EYS: variants seen among roughly 807,000 people sequenced by gnomAD.
EYS encodes EGF-like photoreceptor maintenance factor, also known as protein eyes shut homolog.
A neutral mutation model predicts 282.1 loss-of-function variants in EYS; 250 were observed. The observed-to-expected ratio is 0.89, with a 90% CI of 0.80 to 0.98. The LOEUF (loss-of-function observed/expected upper bound fraction) is 0.98, where lower values mean the gene tolerates loss of function less well. Ranked by LOEUF, EYS falls within the 50% of genes least tolerant of loss-of-function variation. The probability of loss-of-function intolerance (pLI) is 0.00; values close to 1 mark genes in which losing one functional copy is unlikely to be tolerated. For missense variants in EYS, 4,016 were observed against 3,709.0 expected, an observed-to-expected ratio of 1.08 and a Z score of -2.15; for synonymous variants, 1,355 against 1,282.9, an observed-to-expected ratio of 1.06 and a Z score of -1.20.
At chr6:64,750,662 G>A (rs1228689886) in intron 22 of EYS, among the ~76,000 whole-genome samples, 1 of 152,188 alleles carries the variant, frequency 6.6e-6, no homozygotes. Flanking sequence ...TTACATTTTA[G>A]GGTTCTTTTC....
At chr6:64,869,971 C>A (rs2150053391) in intron 19 of EYS, among the ~76,000 whole-genome samples, 1 of 151,414 alleles carries the variant, frequency 6.6e-6, no homozygotes, top group African/African-American at 2.4e-5. Flanking sequence ...GCTATTATTT[C>A]AACTGAAGTG....
chr6:64,110,760 A>G (rs1444823644), intron 31 of EYS, among the ~76,000 whole-genome samples: 2 of 151,972 alleles, frequency 1.3e-5, no homozygotes, highest in South Asian at 4.1e-4. Flanking sequence ...GTAAAAAGTG[A>G]GAGGATATAG....
At chr6:64,244,703 G>A (rs1295583734) in intron 30 of EYS, among the ~76,000 whole-genome samples, 1 of 152,078 alleles carries the variant, frequency 6.6e-6, no homozygotes, top group African/African-American at 2.4e-5. Flanking sequence ...CATGTTTTAA[G>A]ATATACTATC....
chr6:63,885,239 C>T (rs1161170284), intron 35 of EYS, among the ~76,000 whole-genome samples: 1 of 152,130 alleles, frequency 6.6e-6, no homozygotes, highest in African/African-American at 2.4e-5. Context: ...CAATTACTGG[C>T]CAAGTAGGCT....
At chr6:65,538,259 G>A (rs1768032989) in intron 2 of EYS, among the ~76,000 whole-genome samples, 2 of 152,030 alleles carry the variant, frequency 1.3e-5, no homozygotes. Context: ...AGTGGCTGAA[G>A]GAAATAATAA....
At chr6:64,379,006 T>C (rs1772657048) in intron 29 of EYS, among the ~76,000 whole-genome samples, 1 of 152,236 alleles carries the variant, frequency 6.6e-6, no homozygotes, top group Admixed American at 6.5e-5. Context: ...TAGTTACTGA[T>C]AAAGCAATGT....
chr6:64,188,233 T>C (rs1239071778), intron 31 of EYS, among the ~76,000 whole-genome samples: 2 of 152,108 alleles, frequency 1.3e-5, no homozygotes, highest in Non-Finnish European at 2.9e-5. Context: ...TGGTACTCAA[T>C]TTCTTTATAT....
intron 22 of EYS, among the ~76,000 whole-genome samples, chr6:64,678,565 G>A (rs749484492): frequency 2.6e-5 from 4 of 151,914 alleles, no homozygotes; most frequent in African/African-American, 7.3e-5. Flanking sequence ...GCAACAGAGC[G>A]AGACTCCGTC....
At chr6:65,020,062 G>A (rs1329851784) in intron 13 of EYS, among the ~76,000 whole-genome samples, 1 of 152,052 alleles carries the variant, frequency 6.6e-6, no homozygotes, top group Non-Finnish European at 1.5e-5. Flanking sequence ...GGGATTATGG[G>A]AACTACAATT....
At chr6:64,113,440 T>A (rs11970242) in intron 31 of EYS, among the ~76,000 whole-genome samples, 6,415 of 152,242 alleles carry the variant, frequency 0.042, 396 homozygotes, top group African/African-American at 0.14. Context: ...GTTGTGAGAA[T>A]TAAATAACTA....
intron 2 of EYS, among the ~76,000 whole-genome samples, chr6:65,521,772 G>C (rs1302802996): frequency 6.6e-6 from 1 of 152,110 alleles, no homozygotes; most frequent in Non-Finnish European, 1.5e-5. Flanking sequence ...GTAATTTTTT[G>C]ATTAATGCCA....
In EYS at chr6:65,344,110, T is replaced by C; in HGVS notation, c.1527A>G (p.Glu509=). The C allele has an allele frequency of 6.2e-7, 1 of 1,610,484 alleles. No individual in the cohort carries two copies. Among genetic ancestry groups the C allele is most frequent in the Non-Finnish European group, 8.5e-7 (1 of 1,177,544 alleles). ...AYFFLAANCT[E]DATYVNDPED... ...CAGGATCGTTCACATAGGTTGCATC[T>C]TCAGTGCAGTTTGCAGCCAGAAAGA... is the stretch of plus-strand genomic sequence containing the variant. Residue 509 remains glutamate (E), a synonymous_variant, in exon 10 of 43, where the codon GAA becomes GAG. Transcript: ENST00000503581.
At chr6:65,230,778 T>C (rs1430979702) in intron 12 of EYS, among the ~76,000 whole-genome samples, 1 of 151,618 alleles carries the variant, frequency 6.6e-6, no homozygotes, top group Non-Finnish European at 1.5e-5. Flanking sequence ...CTCTTTTATA[T>C]GAGTAGAAAT....
At chr6:64,797,105 C>T (rs1328546557) in intron 22 of EYS, among the ~76,000 whole-genome samples, 1 of 152,068 alleles carries the variant, frequency 6.6e-6, no homozygotes, top group Non-Finnish European at 1.5e-5. Flanking sequence ...TCGGGTTAAT[C>T]AATATCAGCC....
chr6:65,112,449 T>C (rs1423621624), intron 12 of EYS, among the ~76,000 whole-genome samples: 3 of 152,258 alleles, frequency 2.0e-5, no homozygotes, highest in South Asian at 4.2e-4. Flanking sequence ...TTAAAAACTA[T>C]GAGAATGTTA....
intron 36 of EYS, among the ~76,000 whole-genome samples, chr6:63,830,414 A>G (rs933533860): frequency 2.0e-5 from 3 of 152,232 alleles, no homozygotes; most frequent in Non-Finnish European, 2.9e-5. Context: ...CGAGAACTAC[A>G]TGATGCATGC....
At chr6:64,768,810 G>A (rs945282883) in intron 22 of EYS, among the ~76,000 whole-genome samples, 6 of 152,072 alleles carry the variant, frequency 3.9e-5, no homozygotes. Context: ...CACAAAAAGG[G>A]CAGGCTGTTT....
intron 30 of EYS, among the ~76,000 whole-genome samples, chr6:64,294,894 A>G (rs1186212399): frequency 2.0e-5 from 3 of 152,208 alleles, no homozygotes; most frequent in Non-Finnish European, 4.4e-5. Flanking sequence ...AAAGGGGGGT[A>G]TGCATAATGT....
At chr6:63,788,298 G>A (rs1158450663) in intron 38 of EYS, 49 bp from the exon 39 acceptor site, 1 of 1,400,250 alleles carries the variant, frequency 7.1e-7, no homozygotes, top group South Asian at 1.4e-5. Flanking sequence ...ATTCCCCAGG[G>A]TGAAATGTTA....
Sources: gnomAD v4.1 joint callset for allele counts (sites outside exome capture counted in the v4.1 genomes callset) on GRCh38, gnomAD v4.1.1 for gene constraint, MANE v1.5 for transcripts, NCBI Gene and HGNC (gene_info 2026-07-23, HGNC 2026-07-21) for gene names.